The following APBB1IP variants were observed in gnomAD, a reference collection of about 807,000 sequenced individuals.
The protein encoded by APBB1IP is amyloid beta A4 precursor protein-binding family B member 1-interacting protein.
In APBB1IP, 27 loss-of-function variants were observed where a neutral mutation model predicts 64.9. The observed-to-expected ratio is 0.42, with a 90% CI of 0.31 to 0.57. The LOEUF (loss-of-function observed/expected upper bound fraction) is 0.57. APBB1IP is among the 20% of genes least tolerant of loss of function. The pLI is 0.20. For synonymous variants in APBB1IP, 392 were observed against 331.0 expected, an observed-to-expected ratio of 1.18 and a Z score of -2.00; for missense variants, 812 against 845.5, an observed-to-expected ratio of 0.96 and a Z score of 0.49.
intron 10 of APBB1IP, among the ~76,000 whole-genome samples, chr10:26,537,933 CAAAAAA>C (rs11331595): frequency 9.3e-6 from 1 of 106,986 alleles, no homozygotes; most frequent in Non-Finnish European, 1.9e-5. Flanking sequence ...GACTAGGTCT[CAAAAAA>C]AAAAAAAAAA....
At chr10:26,525,125 A>G (rs1048964360) in intron 8 of APBB1IP, among the ~76,000 whole-genome samples, 4 of 151,584 alleles carry the variant, frequency 2.6e-5, no homozygotes, top group African/African-American at 9.7e-5. Context: ...CTATAAAAAA[A>G]TTAAAAATTA....
chr10:26,495,222 G>A (rs1382203053), intron 3 of APBB1IP, among the ~76,000 whole-genome samples: 11 of 151,800 alleles, frequency 7.2e-5, no homozygotes, highest in Non-Finnish European at 4.4e-5. Context: ...TGGCCCACAT[G>A]GTCTCTATCT....
intron 11 of APBB1IP, among the ~76,000 whole-genome samples, chr10:26,550,710 C>A (rs1836819620): frequency 6.6e-6 from 1 of 152,038 alleles, no homozygotes; most frequent in Non-Finnish European, 1.5e-5. Flanking sequence ...TTTTTGAATT[C>A]TTTGTCTGCC....
At position 26,472,748 on chromosome 10, in the gene APBB1IP, C is replaced by T. The variant is rs34094498; in HGVS notation, c.1-19579C>T. Among the ~76,000 whole-genome samples the T allele has an allele frequency of 4.9e-3, 745 of 152,094 alleles. 2 individuals are homozygous for T. The highest frequency in any genetic ancestry group is 8.3e-3 in the Non-Finnish European group (561 of 67,976). On this transcript the variant is annotated intron_variant, in intron 2 of 14. Transcript: ENST00000376236. ...AGTCAGGAGTTCGAGACCAGCCTGG[C>T]CAATATAGTGAAACCCCGTCTCTAC...
At chr10:26,565,118 C>T (rs1837023941) in intron 14 of APBB1IP, among the ~76,000 whole-genome samples, 1 of 152,242 alleles carries the variant, frequency 6.6e-6, no homozygotes, top group Non-Finnish European at 1.5e-5. Context: ...AGAACTATTT[C>T]CATTCACTCT....
At chr10:26,458,156 G>A (rs1239449936) in intron 2 of APBB1IP, among the ~76,000 whole-genome samples, 1 of 152,186 alleles carries the variant, frequency 6.6e-6, no homozygotes, top group Non-Finnish European at 1.5e-5. Flanking sequence ...GGGAGGCCAA[G>A]GTCGGTGGAT....
At chr10:26,530,724 T>C (rs1836541721) in intron 8 of APBB1IP, among the ~76,000 whole-genome samples, 2 of 151,978 alleles carry the variant, frequency 1.3e-5, no homozygotes, top group Admixed American at 1.3e-4. Context: ...CTCAACGTTC[T>C]GCCACTAATC....
rs892548051 is a variant in APBB1IP at position 26,498,210 on chromosome 10, G to GT, written c.160+1826dup. On this transcript the variant is annotated intron_variant, in intron 4 of 14. Coordinates refer to ENST00000376236, the MANE Select transcript of APBB1IP (RefSeq NM_019043.4). ...CCATTAAGATGGTAACATTCATGAA[G>GT]TTTTTTTACAAAAGCAGGCCAGGCG... Among the ~76,000 whole-genome samples, 6 of 151,890 alleles carry GT rather than the reference G, an allele frequency of 4.0e-5. No individual in the cohort carries two copies. In the South Asian group the frequency reaches 1.0e-3, roughly 26 times the overall value.
intron 11 of APBB1IP, among the ~76,000 whole-genome samples, chr10:26,551,241 C>G (rs1836826799): frequency 6.6e-6 from 1 of 152,218 alleles, no homozygotes; most frequent in Non-Finnish European, 1.5e-5. Context: ...CCCGTTGGTA[C>G]TTGGTACTCA....
At chr10:26,508,005 G>A (rs189662845) in intron 6 of APBB1IP, among the ~76,000 whole-genome samples, 53 of 152,272 alleles carry the variant, frequency 3.5e-4, no homozygotes, top group East Asian at 2.5e-3. Flanking sequence ...AACAGAAGCC[G>A]CTCTGATCAG....
At chr10:26,467,900 G>A (rs539926880) in intron 2 of APBB1IP, among the ~76,000 whole-genome samples, 2 of 152,160 alleles carry the variant, frequency 1.3e-5, no homozygotes, top group South Asian at 4.1e-4. Flanking sequence ...TCGCTTATGA[G>A]ATTTATGTAC....
intron 8 of APBB1IP, among the ~76,000 whole-genome samples, chr10:26,530,341 G>T (rs1836534861): frequency 6.6e-6 from 1 of 151,466 alleles, no homozygotes; most frequent in South Asian, 2.1e-4. Flanking sequence ...GGGACTACAG[G>T]TGCATGCCAT....
intron 2 of APBB1IP, among the ~76,000 whole-genome samples, chr10:26,465,179 GA>G (rs1340368811): frequency 2.0e-5 from 3 of 152,148 alleles, no homozygotes; most frequent in African/African-American, 7.2e-5. Context: ...TTCCATATAT[GA>G]AAAAACTACC....
chr10:26,536,233 A>G lies in APBB1IP; in HGVS notation c.1044+16A>G. ...AAAGACTAAGGTCAGAAAAAAAAAAAAAAAAGCACTTAGCAATAAAGCATT... is the reference window on the plus strand; with the variant it reads ...AAAGACTAAGGTCAGAAAAAAAAAAGAAAAAGCACTTAGCAATAAAGCATT... On this transcript the variant is annotated intron_variant, in intron 10 of 14. Transcript: ENST00000376236. The G allele has an allele frequency of 6.4e-7, 1 of 1,565,902 alleles. No homozygotes were observed. Among genetic ancestry groups the G allele is most frequent in the Non-Finnish European group, 8.6e-7 (1 of 1,167,482 alleles).
intron 2 of APBB1IP, among the ~76,000 whole-genome samples, chr10:26,476,542 A>C (rs1835778866): frequency 6.6e-6 from 1 of 151,830 alleles, no homozygotes; most frequent in Non-Finnish European, 1.5e-5. Flanking sequence ...CGTGTAATGG[A>C]CAGGCATGTA....
chr10:26,466,700 C>A (rs1835652623), intron 2 of APBB1IP, among the ~76,000 whole-genome samples: 2 of 152,150 alleles, frequency 1.3e-5, no homozygotes, highest in African/African-American at 4.8e-5. Flanking sequence ...ACTCAGGAGG[C>A]TGAAATGGGA....
At chr10:26,528,876 G>A (rs904032543) in intron 8 of APBB1IP, among the ~76,000 whole-genome samples, 1 of 152,194 alleles carries the variant, frequency 6.6e-6, no homozygotes, top group Non-Finnish European at 1.5e-5. Flanking sequence ...GGCGGAGGTT[G>A]CAGTGAACCA....
intron 2 of APBB1IP, among the ~76,000 whole-genome samples, chr10:26,440,073 C>G (rs377701248): frequency 6.6e-6 from 1 of 152,180 alleles, no homozygotes; most frequent in African/African-American, 2.4e-5. Flanking sequence ...TAACTTCATC[C>G]TTAAACTATT....
chr10:26,541,788 T>A, intron 11 of APBB1IP, 96 bp downstream of exon 11: 2 of 865,474 alleles, frequency 2.3e-6, no homozygotes, highest in Non-Finnish European at 3.5e-6. Context: ...GCCATATGTG[T>A]AACAATAAGA....
Sources: gnomAD v4.1 joint callset for allele counts (sites outside exome capture counted in the v4.1 genomes callset) on GRCh38, gnomAD v4.1.1 for gene constraint, MANE v1.5 for transcripts, NCBI Gene and HGNC (gene_info 2026-07-23, HGNC 2026-07-21) for gene names.